PLXNA4: variants seen among roughly 807,000 people sequenced by gnomAD.
The protein encoded by PLXNA4 is plexin-A4.
In PLXNA4, 44 loss-of-function variants were observed where a neutral mutation model predicts 191.8. The observed-to-expected ratio is 0.23, with a 90% CI of 0.18 to 0.29. PLXNA4 has a LOEUF of 0.29. PLXNA4 is among the 10% of genes least tolerant of loss of function. The pLI is 1.00. For missense variants in PLXNA4, 1,800 were observed against 2,488.8 expected (o/e 0.72, Z 5.89); for synonymous variants, 1,082 against 1,009.5 (o/e 1.07, Z -1.36).
intron 3 of PLXNA4, among the ~76,000 whole-genome samples, chr7:132,389,842 T>C (rs1242895877): frequency 6.6e-6 from 1 of 152,212 alleles, no homozygotes; most frequent in East Asian, 1.9e-4. Context: ...TAGCATTAAA[T>C]CTATAACTTA....
At chr7:132,289,293 C>A (rs1366131878) in intron 4 of PLXNA4, among the ~76,000 whole-genome samples, 3 of 152,220 alleles carry the variant, frequency 2.0e-5, no homozygotes, top group African/African-American at 7.2e-5. Flanking sequence ...AACCCTTTCA[C>A]CCTCACAAGG....
At chr7:132,452,164 G>C (rs1333213548) in intron 3 of PLXNA4, among the ~76,000 whole-genome samples, 3 of 152,210 alleles carry the variant, frequency 2.0e-5, no homozygotes. Flanking sequence ...CCCTGCTTTG[G>C]CCAGGAGGAT....
At chr7:132,135,520 G>A (rs1319575411) in intron 30 of PLXNA4, among the ~76,000 whole-genome samples, 10 of 152,150 alleles carry the variant, frequency 6.6e-5, no homozygotes, top group Non-Finnish European at 1.5e-4. Context: ...AGGAATCCTC[G>A]GTTAGGGGCC....
intron 30 of PLXNA4, among the ~76,000 whole-genome samples, chr7:132,136,108 G>C (rs551200002): frequency 6.6e-6 from 1 of 152,138 alleles, no homozygotes; most frequent in East Asian, 1.9e-4. Context: ...GACCCCTCCT[G>C]CTCCCCCACT....
intron 1 of PLXNA4, among the ~76,000 whole-genome samples, chr7:132,563,502 C>T (rs1427557554): frequency 8.0e-5 from 7 of 87,646 alleles, no homozygotes; most frequent in Non-Finnish European, 1.2e-4. Flanking sequence ...CCTTCTCCTC[C>T]TCCTCCTCCT....
chr7:132,636,843 AG>A (rs1241510595), intron 2 of PLXNA4, among the ~76,000 whole-genome samples: 1 of 152,140 alleles, frequency 6.6e-6, no homozygotes, highest in African/African-American at 2.4e-5. Flanking sequence ...TGCAAACCCA[AG>A]CCAACCCTCG....
At chr7:132,619,423 C>T (rs1803217607) in intron 2 of PLXNA4, among the ~76,000 whole-genome samples, 1 of 152,160 alleles carries the variant, frequency 6.6e-6, no homozygotes, top group African/African-American at 2.4e-5. Context: ...TCTGTTAATA[C>T]TTATTTGCTA....
At chr7:132,377,050 G>GA (rs1261249417) in intron 3 of PLXNA4, among the ~76,000 whole-genome samples, 2 of 152,098 alleles carry the variant, frequency 1.3e-5, no homozygotes, top group African/African-American at 4.8e-5. Context: ...ACAAAGTACA[G>GA]AAAAAGAAAT....
intron 2 of PLXNA4, among the ~76,000 whole-genome samples, chr7:132,630,526 T>A (rs974693331): frequency 2.9e-4 from 44 of 152,306 alleles, no homozygotes; most frequent in African/African-American, 1.0e-3. Context: ...TTTTGTTTTG[T>A]TTTGAGAATG....
chr7:132,333,983 GC>G (rs1232657642), intron 3 of PLXNA4, among the ~76,000 whole-genome samples: 3 of 152,168 alleles, frequency 2.0e-5, no homozygotes, highest in African/African-American at 7.2e-5. Context: ...GAACAAAGCA[GC>G]ATTTTGTACA....
intron 1 of PLXNA4, among the ~76,000 whole-genome samples, chr7:132,521,177 TGA>T (rs1491562339): frequency 0.017 from 1,919 of 115,546 alleles, 36 homozygotes; most frequent in Middle Eastern, 0.065. Context: ...ATTTGCTCCT[TGA>T]AAAAAAAAAA....
intron 22 of PLXNA4, among the ~76,000 whole-genome samples, chr7:132,166,472 G>A (rs115043372): frequency 7.3e-4 from 111 of 151,520 alleles, no homozygotes; most frequent in African/African-American, 2.4e-3. Flanking sequence ...CTAAGCATGC[G>A]GCCAGCTCCA....
At position 132,507,586 on chromosome 7, in the gene PLXNA4, G is replaced by A. The variant is rs748991545; in HGVS notation, c.1108C>T (p.Arg370Trp). ...LKQINDRIKE[R>W]LQSCYRGEGT... The stretch of plus-strand genomic sequence containing the variant: ...TCGCCCCGGTAACAAGACTGCAGCC[G>A]CTCCTTAATGCGGTCATTTATCTGC... The change falls in exon 2 of 32, where the codon CGG (arginine) becomes TGG (tryptophan). Residue 370 changes from arginine (R) to tryptophan (W), a missense_variant. By Grantham distance (101) the Arg-to-Trp change is moderately radical. Around this residue, in one of 6 missense-constraint regions of PLXNA4, gnomAD observed 1,397 missense variants for 1,880.4 expected, o/e 0.74. Coordinates refer to ENST00000321063, the MANE Select transcript of PLXNA4 (RefSeq NM_020911.2). 5.6e-6 allele frequency: 9 copies of A among 1,614,006 alleles called. No individual in the cohort carries two copies. Among genetic ancestry groups the A allele is most frequent in the East Asian group, 2.2e-5 (1 of 44,888 alleles).
chr7:132,279,949 A>T (rs1218743220), intron 4 of PLXNA4, among the ~76,000 whole-genome samples: 3 of 152,132 alleles, frequency 2.0e-5, no homozygotes, highest in Non-Finnish European at 4.4e-5. Context: ...TTTGACCATG[A>T]CTCATGGCAA....
At chr7:132,438,502 A>G (rs1048586253) in intron 3 of PLXNA4, among the ~76,000 whole-genome samples, 1 of 152,252 alleles carries the variant, frequency 6.6e-6, no homozygotes, top group African/African-American at 2.4e-5. Flanking sequence ...TTAAACAGGG[A>G]ATGGCTAACT....
At chr7:132,453,679 T>C (rs1796212983) in intron 3 of PLXNA4, among the ~76,000 whole-genome samples, 1 of 152,036 alleles carries the variant, frequency 6.6e-6, no homozygotes, top group Admixed American at 6.5e-5. Flanking sequence ...GTAGCTGGGA[T>C]TACAGGCACG....
chr7:132,374,915 G>A (rs766663294), intron 3 of PLXNA4, among the ~76,000 whole-genome samples: 16 of 152,242 alleles, frequency 1.1e-4, no homozygotes, highest in Non-Finnish European at 1.9e-4. Flanking sequence ...TACCCTGTCT[G>A]CTGTGGGACA....
At chr7:132,198,327 G>A (rs185071927) in intron 13 of PLXNA4, among the ~76,000 whole-genome samples, 158 bp downstream of exon 13, 1 of 152,326 alleles carries the variant, frequency 6.6e-6, no homozygotes, top group East Asian at 1.9e-4. Context: ...CAGGCGGGGA[G>A]TTGTGGGAGT....
chr7:132,392,730 G>A (rs1344787175), intron 3 of PLXNA4, among the ~76,000 whole-genome samples: 1 of 152,246 alleles, frequency 6.6e-6, no homozygotes, highest in East Asian at 1.9e-4. Context: ...TGGGGAGGAT[G>A]GGCCGCTGTT....
Sources: gnomAD v4.1 joint callset for allele counts (sites outside exome capture counted in the v4.1 genomes callset) on GRCh38, gnomAD v4.1.1 for gene constraint, gnomAD v4.1.1 regional missense constraint, MANE v1.5 for transcripts, NCBI Gene and HGNC (gene_info 2026-07-23, HGNC 2026-07-21) for gene names.